The following DPF3 variants were observed in gnomAD, a reference collection of about 807,000 sequenced individuals.
DPF3 encodes zinc finger protein DPF3.
In DPF3, 18 loss-of-function variants were observed where a neutral mutation model predicts 56.8. That is an observed-to-expected ratio of 0.32 (90% CI 0.22 to 0.47). The LOEUF (loss-of-function observed/expected upper bound fraction) is 0.47. Among genes scored for constraint, DPF3 ranks in the 20% least tolerant of loss-of-function variants. DPF3 has a pLI of 1.00. For missense variants in DPF3, 403 were observed against 488.8 expected (o/e 0.82, Z 1.65); for synonymous variants, 188 against 180.2 (o/e 1.04, Z -0.35).
At chr14:72,622,428 G>C (rs1884513413) in intron 9 of DPF3, among the ~76,000 whole-genome samples, 1 of 152,110 alleles carries the variant, frequency 6.6e-6, no homozygotes, top group Non-Finnish European at 1.5e-5. Flanking sequence ...TTGATTTAGG[G>C]ATAATACAAG....
At chr14:72,692,893 G>C (rs1887751570) in intron 7 of DPF3, among the ~76,000 whole-genome samples, 183 bp downstream of exon 7, 1 of 152,306 alleles carries the variant, frequency 6.6e-6, no homozygotes. Context: ...CTAAGCCTAG[G>C]GTTGGGCTGA....
chr14:72,741,555 C>G (rs541662505), intron 3 of DPF3, among the ~76,000 whole-genome samples: 1 of 152,250 alleles, frequency 6.6e-6, no homozygotes. Context: ...TCAGCCACCC[C>G]AGGCCTCTCC....
chr14:72,790,017 C>T (rs1373778105), intron 1 of DPF3, among the ~76,000 whole-genome samples: 1 of 152,028 alleles, frequency 6.6e-6, no homozygotes, highest in Non-Finnish European at 1.5e-5. Context: ...TTTGGGAGGC[C>T]AAGGCAGGCA....
intron 1 of DPF3, among the ~76,000 whole-genome samples, chr14:72,797,087 A>G (rs918567939): frequency 1.3e-5 from 2 of 152,182 alleles, no homozygotes; most frequent in Admixed American, 6.5e-5. Context: ...TGGAAGTTAG[A>G]TTACACCAGT....
At chr14:72,746,918 G>C (rs928135022) in intron 3 of DPF3, among the ~76,000 whole-genome samples, 1 of 152,232 alleles carries the variant, frequency 6.6e-6, no homozygotes, top group Non-Finnish European at 1.5e-5. Context: ...CGGCAGGCCC[G>C]ACAACGGGGC....
chr14:72,884,449 G>A (rs1299255808), intron 1 of DPF3, among the ~76,000 whole-genome samples: 2 of 152,142 alleles, frequency 1.3e-5, no homozygotes, highest in African/African-American at 4.8e-5. Flanking sequence ...GAAACTTTTA[G>A]TTCTCATAGT....
chr14:72,847,534 C>G (rs2140078543), intron 1 of DPF3, among the ~76,000 whole-genome samples: 1 of 152,152 alleles, frequency 6.6e-6, no homozygotes, highest in South Asian at 2.1e-4. Flanking sequence ...GCAGGGGAGA[C>G]AGAATCTTGC....
At chr14:72,834,420 C>T (rs944156879) in intron 1 of DPF3, among the ~76,000 whole-genome samples, 6 of 142,064 alleles carry the variant, frequency 4.2e-5, no homozygotes, top group Non-Finnish European at 7.5e-5. Context: ...TCACTTGAAC[C>T]GGGGAGGCAG....
chr14:72,840,166 T>A (rs1358066558), intron 1 of DPF3, among the ~76,000 whole-genome samples: 1 of 152,172 alleles, frequency 6.6e-6, no homozygotes, highest in East Asian at 1.9e-4. Flanking sequence ...AGCCGCCCAC[T>A]TCTGACCAAT....
In DPF3 at chr14:72,866,346, T is replaced by G. The variant is rs922364818; in HGVS notation, c.32+27711A>C. ...AAGTAACTCCCCAGCACCTGCAGGA[T>G]CAGTGCCAAACTTTTCGCCCAAGTA... On this transcript the variant is annotated intron_variant, in intron 1 of 10. Coordinates refer to ENST00000556509, the MANE Select transcript of DPF3 (RefSeq NM_001280542.3). Among the ~76,000 whole-genome samples the G allele has an allele frequency of 3.5e-5, 5 of 140,872 alleles. 1 individual carries two copies. Among genetic ancestry groups the G allele is most frequent in the African/African-American group, 1.3e-4 (5 of 39,640 alleles). The allele number at this position is 140,872 out of a possible 152,430, so 92.4% of individuals were successfully genotyped here. A position where few individuals can be genotyped will look rare whatever the true frequency, so the allele number is the denominator to read the frequency against.
intron 8 of DPF3, among the ~76,000 whole-genome samples, chr14:72,650,049 C>T (rs1885859391): frequency 6.6e-6 from 1 of 152,182 alleles, no homozygotes; most frequent in Non-Finnish European, 1.5e-5. Flanking sequence ...TGCCAGAGGG[C>T]TGGGGCAATA....
chr14:72,882,820 T>A (rs1361459048), intron 1 of DPF3, among the ~76,000 whole-genome samples: 1 of 150,098 alleles, frequency 6.7e-6, no homozygotes. Context: ...TCCCCTCACC[T>A]ATAGTGGTTT....
At chr14:72,775,242 A>T (rs1891700991) in intron 1 of DPF3, among the ~76,000 whole-genome samples, 1 of 152,342 alleles carries the variant, frequency 6.6e-6, no homozygotes, top group South Asian at 2.1e-4. Context: ...CCAAAAAAAC[A>T]AAATGAAAAA....
intron 1 of DPF3, among the ~76,000 whole-genome samples, chr14:72,863,094 A>G (rs61986359): frequency 1.2e-5 from 1 of 84,208 alleles, no homozygotes; most frequent in Non-Finnish European, 2.5e-5. Flanking sequence ...ATATATATAT[A>G]TATATATGTG....
At chr14:72,847,077 G>A (rs927763281) in intron 1 of DPF3, among the ~76,000 whole-genome samples, 1 of 152,174 alleles carries the variant, frequency 6.6e-6, no homozygotes, top group African/African-American at 2.4e-5. Context: ...TGCAGACAAG[G>A]GCTGTGGGAA....
At chr14:72,659,368 G>A (rs925853760) in intron 8 of DPF3, among the ~76,000 whole-genome samples, 2 of 151,998 alleles carry the variant, frequency 1.3e-5, no homozygotes, top group Non-Finnish European at 2.9e-5. Context: ...CCTCCCTCTT[G>A]GTCAGTGACC....
rs375943797 is a variant in DPF3, at chr14:72,619,225, G to A, written c.*72C>T. On this transcript the variant is annotated 3_prime_UTR_variant, in exon 11 of 11. Coordinates refer to ENST00000556509, the MANE Select transcript of DPF3 (RefSeq NM_001280542.3). ...GGTCTGGCTGGATATGTGGGAGGAGGGCGCGTTCTGGTTTGAACTGGGCTC... is the reference window on the plus strand; with the variant it reads ...GGTCTGGCTGGATATGTGGGAGGAGAGCGCGTTCTGGTTTGAACTGGGCTC... The A allele has an allele frequency of 1.2e-5, 17 of 1,436,574 alleles. No homozygotes were observed. The East Asian group carries it at 2.2e-4, about 19-fold the overall frequency. 89.0% of individuals were successfully genotyped at this position (1,436,574 alleles called of 1,614,324 possible). A position where few individuals can be genotyped will look rare whatever the true frequency, so the allele number is the denominator to read the frequency against.
intron 6 of DPF3, among the ~76,000 whole-genome samples, chr14:72,708,554 C>A (rs934456310): frequency 1.3e-5 from 2 of 152,190 alleles, no homozygotes; most frequent in South Asian, 4.1e-4. Context: ...GCGAAAAGCA[C>A]GTGAGCCTTA....
At chr14:72,880,960 G>A (rs1394446752) in intron 1 of DPF3, among the ~76,000 whole-genome samples, 1 of 152,254 alleles carries the variant, frequency 6.6e-6, no homozygotes, top group East Asian at 1.9e-4. Flanking sequence ...CAGTAGAGAA[G>A]GCAATTGGTG....
Sources: gnomAD v4.1 joint callset for allele counts (sites outside exome capture counted in the v4.1 genomes callset) on GRCh38, gnomAD v4.1.1 for gene constraint, MANE v1.5 for transcripts, NCBI Gene and HGNC (gene_info 2026-07-23, HGNC 2026-07-21) for gene names.